The following GSK3B variants were observed in gnomAD, a reference collection of about 807,000 sequenced individuals.
The protein encoded by GSK3B is glycogen synthase kinase 3 beta, also known as glycogen synthase kinase-3 beta.
GSK3B carries 15 observed loss-of-function variants against 56.4 expected under a neutral mutation model. That is an observed-to-expected ratio of 0.27 (90% CI 0.18 to 0.41). GSK3B has a LOEUF of 0.41. Among genes scored for constraint, GSK3B ranks in the 10% least tolerant of loss-of-function variants. The pLI is 1.00. For missense variants in GSK3B, 300 were observed against 513.4 expected, an observed-to-expected ratio of 0.58 and a Z score of 4.02; for synonymous variants, 181 against 188.9, an observed-to-expected ratio of 0.96 and a Z score of 0.34.
chr3:119,952,524 A>C (rs1397984630), intron 2 of GSK3B, among the ~76,000 whole-genome samples: 1 of 151,568 alleles, frequency 6.6e-6, no homozygotes, highest in East Asian at 1.9e-4. Context: ...AAAAGAAAAA[A>C]AAATTATCAA....
intron 10 of GSK3B, among the ~76,000 whole-genome samples, chr3:119,837,956 A>G (rs1486695485): frequency 6.8e-6 from 1 of 147,030 alleles, no homozygotes; most frequent in African/African-American, 2.5e-5. Flanking sequence ...ATATATATAT[A>G]TATATATATA....
intron 3 of GSK3B, among the ~76,000 whole-genome samples, chr3:119,926,994 C>T (rs79943169): frequency 0.026 from 3,931 of 152,116 alleles, 167 homozygotes; most frequent in African/African-American, 0.088. Flanking sequence ...TTATTTTATC[C>T]GCTTCCTCTG....
chr3:120,015,339 C>T (rs1430531667), intron 1 of GSK3B, among the ~76,000 whole-genome samples: 1 of 152,140 alleles, frequency 6.6e-6, no homozygotes, highest in Non-Finnish European at 1.5e-5. Flanking sequence ...CCCCTTACTT[C>T]ACTAAGAGCT....
intron 9 of GSK3B, among the ~76,000 whole-genome samples, chr3:119,847,625 A>G (rs1392873187): frequency 6.6e-6 from 1 of 152,232 alleles, no homozygotes; most frequent in Non-Finnish European, 1.5e-5. Context: ...TATATAACAA[A>G]GGCATTATCT....
intron 2 of GSK3B, among the ~76,000 whole-genome samples, chr3:119,971,601 A>ATTTTTTTTTTTTTT (rs751790636): frequency 2.4e-5 from 2 of 83,842 alleles, no homozygotes; most frequent in African/African-American, 1.1e-4. Context: ...ATTTGCAATA[A>ATTTTTTTTTTTTTT]TTTTTTTTTT....
chr3:119,925,955 G>A (rs1354321319), intron 3 of GSK3B, among the ~76,000 whole-genome samples: 1 of 152,056 alleles, frequency 6.6e-6, no homozygotes, highest in African/African-American at 2.4e-5. Context: ...AGTCAATCAC[G>A]TTCCTTTCAT....
In GSK3B at chr3:120,065,574, T is replaced by C. The variant is rs72969194; in HGVS notation, c.88+27773A>G. On this transcript the variant is annotated intron_variant, in intron 1 of 10. Transcript: ENST00000264235. ...GTTTGGCAGTCCAGTAAATTAAACA[T>C]AGAAACACCATATGACCCTGCAATT... 7.2e-3 allele frequency among the ~76,000 whole-genome samples: 1,099 copies of C among 152,226 alleles called. 8 individuals carry two copies. The highest frequency in any genetic ancestry group is 0.025 in the African/African-American group (1,034 of 41,550).
chr3:119,926,603 T>C (rs985611557), intron 3 of GSK3B, among the ~76,000 whole-genome samples: 4 of 152,320 alleles, frequency 2.6e-5, no homozygotes, highest in East Asian at 3.9e-4. Context: ...CTCTACCTCA[T>C]TGGTCTATAA....
intron 2 of GSK3B, among the ~76,000 whole-genome samples, chr3:119,996,863 C>CA (rs145961907): frequency 2.6e-5 from 4 of 151,288 alleles, no homozygotes; most frequent in Non-Finnish European, 5.9e-5. Flanking sequence ...CTGAGAAAAA[C>CA]AAAAAATAAA....
intron 4 of GSK3B, among the ~76,000 whole-genome samples, chr3:119,921,213 A>T (rs2056837181): frequency 6.6e-6 from 1 of 152,230 alleles, no homozygotes; most frequent in Non-Finnish European, 1.5e-5. Context: ...AATAAAGAAA[A>T]GGGATCAAAT....
chr3:120,019,186 C>G (rs2057851794), intron 1 of GSK3B, among the ~76,000 whole-genome samples: 1 of 151,888 alleles, frequency 6.6e-6, no homozygotes, highest in African/African-American at 2.4e-5. Flanking sequence ...TAGTTTAATA[C>G]ATCAAAAAAC....
At chr3:119,942,679 G>C (rs917617207) in intron 3 of GSK3B, among the ~76,000 whole-genome samples, 1 of 152,100 alleles carries the variant, frequency 6.6e-6, no homozygotes, top group Non-Finnish European at 1.5e-5. Context: ...CCACACCTTA[G>C]CTTCAACTAG....
At chr3:119,868,694 C>A (rs1013958805) in intron 8 of GSK3B, among the ~76,000 whole-genome samples, 3 of 152,140 alleles carry the variant, frequency 2.0e-5, no homozygotes, top group African/African-American at 7.2e-5. Context: ...GAACAAGAGC[C>A]ATGTCTGTTC....
chr3:119,884,732 G>A (rs988087179), intron 7 of GSK3B, among the ~76,000 whole-genome samples: 1 of 152,010 alleles, frequency 6.6e-6, no homozygotes, highest in Non-Finnish European at 1.5e-5. Context: ...CTTTTGAGTT[G>A]TATAAAATAT....
intron 2 of GSK3B, among the ~76,000 whole-genome samples, chr3:119,969,410 A>T (rs2057346271): frequency 2.0e-5 from 3 of 152,218 alleles, no homozygotes; most frequent in African/African-American, 4.8e-5. Flanking sequence ...CAATATTAAG[A>T]TGCCAGTTCT....
intron 1 of GSK3B, among the ~76,000 whole-genome samples, chr3:120,003,674 A>T (rs1340887699): frequency 6.6e-6 from 1 of 152,236 alleles, no homozygotes; most frequent in East Asian, 1.9e-4. Context: ...TATAACCAAT[A>T]TTTATATCCA....
chr3:119,928,812 C>A (rs751437460), intron 3 of GSK3B, among the ~76,000 whole-genome samples: 1 of 151,948 alleles, frequency 6.6e-6, no homozygotes, highest in Non-Finnish European at 1.5e-5. Flanking sequence ...AGTTATTTAA[C>A]CTCTCTAAGC....
chr3:119,865,862 A>G (rs998094626), intron 8 of GSK3B, among the ~76,000 whole-genome samples: 7 of 152,140 alleles, frequency 4.6e-5, no homozygotes, highest in African/African-American at 1.4e-4. Context: ...TTATTAGCGT[A>G]TATTTGTCAG....
chr3:120,047,089 CTAA>C (rs2058110054), intron 1 of GSK3B, among the ~76,000 whole-genome samples: 3 of 152,230 alleles, frequency 2.0e-5, no homozygotes, highest in Admixed American at 6.5e-5. Context: ...AAAACAAATT[CTAA>C]AGCACAGACT....
Sources: allele counts gnomAD v4.1 joint callset (sites outside exome capture counted in the v4.1 genomes callset), GRCh38; gene constraint gnomAD v4.1.1; transcripts MANE v1.5; gene names NCBI Gene and HGNC (gene_info 2026-07-23, HGNC 2026-07-21).